The following PIK3C3 variants were observed in gnomAD, a reference collection of about 807,000 sequenced individuals.
PIK3C3 encodes the protein PI3-kinase type 3.
Under a neutral mutation model 126.1 loss-of-function variants are expected in PIK3C3, and 95 were observed. That is an observed-to-expected ratio of 0.75 (90% CI 0.64 to 0.89). The LOEUF is 0.89. PIK3C3 is among the 40% of genes least tolerant of loss of function. The pLI is 0.00. For missense variants in PIK3C3, 829 were observed against 1,063.2 expected, an observed-to-expected ratio of 0.78 and a Z score of 3.06; for synonymous variants, 374 against 360.0, an observed-to-expected ratio of 1.04 and a Z score of -0.44.
chr18:42,049,772 G>A (rs1490217954), intron 21 of PIK3C3, 167 bp downstream of exon 21: 6 of 506,494 alleles, frequency 1.2e-5, no homozygotes, highest in Non-Finnish European at 2.2e-5. Context: ...TTGGGAGTTC[G>A]AGACCAGCCT....
At chr18:42,074,858 C>T (rs182349100) in intron 24 of PIK3C3, among the ~76,000 whole-genome samples, 42 of 152,104 alleles carry the variant, frequency 2.8e-4, no homozygotes, top group Non-Finnish European at 4.9e-4. Context: ...TTCCCTCATA[C>T]GTGCCAGACT....
At position 42,027,482 on chromosome 18, in the gene PIK3C3, G is replaced by T. The variant is rs1983624290; in HGVS notation, c.1524G>T (p.Gln508His). The T allele has an allele frequency of 1.9e-6, 3 of 1,611,046 alleles. No individual in the cohort carries two copies. Among genetic ancestry groups the T allele is most frequent in the South Asian group, 2.2e-5 (2 of 91,004 alleles). Residue 508 changes from glutamine to histidine, a missense_variant, in exon 14 of 25, where the codon CAG (glutamine) becomes CAT (histidine). Gln to His is a conservative substitution (Grantham distance 24). Transcript: ENST00000262039. ...AATGTGAAGATCAAGATACTCAGCAGAGAGATCCAAAGACCCATGAGATGT... is the reference window on the plus strand; with the variant it reads ...AATGTGAAGATCAAGATACTCAGCATAGAGATCCAAAGACCCATGAGATGT... ...IVECEDQDTQ[Q>H]RDPKTHEMYL... is the part of the protein sequence containing the mutation.
At chr18:42,051,185 A>G (rs761043973) in intron 21 of PIK3C3, 2 of 152,238 alleles carry the variant, frequency 1.3e-5, no homozygotes, top group Non-Finnish European at 2.9e-5. Context: ...TCAGGATGCA[A>G]GTTCCATGAG....
At chr18:42,057,621 A>G in intron 21 of PIK3C3, 1 of 360,078 alleles carries the variant, frequency 2.8e-6, no homozygotes, top group African/African-American at 2.2e-5. Flanking sequence ...ACTTATAAAT[A>G]GGATTTAACA....
chr18:41,979,374 G>T lies in PIK3C3; in HGVS notation c.532-8438G>T, dbSNP rs1034815842. Among the ~76,000 whole-genome samples the T allele has an allele frequency of 6.6e-5, 10 of 152,084 alleles. No homozygotes were observed. In the East Asian group the frequency reaches 1.9e-3, roughly 29 times the overall value. Reference sequence around the variant, plus strand: ...GGCTTTTTAGAGCTGCATTTTTCCCGCTAGAGATGTGAATATACTTGCATG... The same window carrying T: ...GGCTTTTTAGAGCTGCATTTTTCCCTCTAGAGATGTGAATATACTTGCATG... On this transcript the variant is annotated intron_variant, in intron 4 of 24. Transcript: ENST00000262039.
At chr18:42,074,716 AT>A (rs959229274) in intron 24 of PIK3C3, among the ~76,000 whole-genome samples, 2 of 151,480 alleles carry the variant, frequency 1.3e-5, no homozygotes, top group African/African-American at 4.8e-5. Flanking sequence ...CTAACTTTCC[AT>A]TTTTTTTCTT....
At chr18:42,005,722 T>TAGGGGAC (rs1485647468) in intron 10 of PIK3C3, among the ~76,000 whole-genome samples, 3 of 151,650 alleles carry the variant, frequency 2.0e-5, no homozygotes, top group South Asian at 2.1e-4. Context: ...CATTTTGAAT[T>TAGGGGAC]AGTGGTATCT....
At chr18:41,967,786 G>A (rs187143314) in intron 3 of PIK3C3, among the ~76,000 whole-genome samples, 179 of 152,332 alleles carry the variant, frequency 1.2e-3, no homozygotes, top group Non-Finnish European at 2.1e-3. Context: ...GATTTCTCTT[G>A]CAGTTGTTTT....
chr18:42,040,156 C>CTT (rs55821466), intron 18 of PIK3C3, among the ~76,000 whole-genome samples: 4,361 of 110,454 alleles, frequency 0.039, 349 homozygotes, highest in African/African-American at 0.13. Flanking sequence ...GTCCCCTTTC[C>CTT]TTTTTTTTTT....
chr18:41,956,440 A>G (rs906936891), intron 1 of PIK3C3, among the ~76,000 whole-genome samples: 1 of 152,056 alleles, frequency 6.6e-6, no homozygotes, highest in Non-Finnish European at 1.5e-5. Context: ...ATCAATATTG[A>G]TAAAGGGCTT....
At chr18:42,050,541 A>G (rs910808938) in intron 21 of PIK3C3, 2 of 152,204 alleles carry the variant, frequency 1.3e-5, no homozygotes, top group Non-Finnish European at 2.9e-5. Flanking sequence ...TTCCATTTCA[A>G]TAGATAGCAA....
At chr18:42,067,329 C>T in intron 23 of PIK3C3, 59 bp from the exon 24 acceptor site, 1 of 1,516,418 alleles carries the variant, frequency 6.6e-7, no homozygotes, top group East Asian at 2.3e-5. Flanking sequence ...TTTGATTCTG[C>T]CTGTTCAAAA....
At chr18:42,044,114 A>G (rs1457209110) in intron 20 of PIK3C3, among the ~76,000 whole-genome samples, 1 of 152,142 alleles carries the variant, frequency 6.6e-6, no homozygotes, top group Non-Finnish European at 1.5e-5. Context: ...CTATTTTTGA[A>G]TAACAGAAAC....
chr18:42,030,893 C>T (rs925181351), intron 15 of PIK3C3, among the ~76,000 whole-genome samples: 1 of 152,112 alleles, frequency 6.6e-6, no homozygotes, highest in African/African-American at 2.4e-5. Flanking sequence ...CTTGGCAACA[C>T]CTCAGTTTTA....
At chr18:42,007,111 G>A (rs186348598) in intron 10 of PIK3C3, among the ~76,000 whole-genome samples, 165 of 152,074 alleles carry the variant, frequency 1.1e-3, no homozygotes, top group African/African-American at 3.8e-3. Flanking sequence ...ATCGTGATCC[G>A]CCCCCATCGG....
At chr18:42,069,769 G>A (rs1385109057) in intron 24 of PIK3C3, among the ~76,000 whole-genome samples, 21 of 151,984 alleles carry the variant, frequency 1.4e-4, no homozygotes, top group Admixed American at 1.2e-3. Flanking sequence ...TTTCTCCTTT[G>A]TTTTCCTGGA....
At chr18:41,996,352 C>T (rs1223211478) in intron 8 of PIK3C3, among the ~76,000 whole-genome samples, 1 of 152,030 alleles carries the variant, frequency 6.6e-6, no homozygotes, top group Non-Finnish European at 1.5e-5. Context: ...TGGTAGAAGA[C>T]GTTGTTATTT....
rs886609574 is a variant in PIK3C3 at position 41,970,408 on chromosome 18, C to T, written c.483C>T (p.Gly161=). The change falls in exon 4 of 25, where the codon GGC becomes GGT. Residue 161 remains glycine (G), a synonymous_variant. Transcript: ENST00000262039. ...ADGSEPTKTP[G]RTSSTLSEDQ... ...GATCAGAACCCACAAAAACTCCTGG[C>T]AGAACAAGTAGCACTCTCTCAGAAG... 1 of 1,613,724 alleles carries T rather than the reference C, an allele frequency of 6.2e-7. No individual in the cohort carries two copies. The highest frequency in any genetic ancestry group is 8.5e-7 in the Non-Finnish European group (1 of 1,179,800).
intron 3 of PIK3C3, among the ~76,000 whole-genome samples, chr18:41,966,198 T>TTTTTC (rs1568112582): frequency 7.0e-6 from 1 of 143,614 alleles, no homozygotes; most frequent in Non-Finnish European, 1.5e-5. Context: ...TTTTTTTTTT[T>TTTTTC]TTGAGATGGA....
Sources: allele counts gnomAD v4.1 joint callset (sites outside exome capture counted in the v4.1 genomes callset), GRCh38; gene constraint gnomAD v4.1.1; transcripts MANE v1.5; gene names NCBI Gene and HGNC (gene_info 2026-07-23, HGNC 2026-07-21).